MMS22L: variants seen among roughly 807,000 people sequenced by gnomAD.
The protein encoded by MMS22L is MMS22 like, DNA repair protein.
In MMS22L, 74 loss-of-function variants were observed where a neutral mutation model predicts 159.1. The observed-to-expected ratio is 0.47, with a 90% CI of 0.39 to 0.56. The LOEUF is 0.56. Ranked by LOEUF, MMS22L falls within the 20% of genes least tolerant of loss-of-function variation. MMS22L has a pLI of 0.00. For synonymous variants in MMS22L, 517 were observed against 506.9 expected (o/e 1.02, Z -0.27); for missense variants, 1,351 against 1,422.1 (o/e 0.95, Z 0.80).
intron 11 of MMS22L, among the ~76,000 whole-genome samples, chr6:97,238,307 T>C (rs187086359): frequency 7.2e-5 from 11 of 152,336 alleles, no homozygotes; most frequent in Non-Finnish European, 1.6e-4. Context: ...ATGTTACTCT[T>C]CTGATGATCA....
Position 97,194,439 on chromosome 6 carries a change from C to T in MMS22L, c.2040-7749G>A, listed in dbSNP as rs530870662. On this transcript the variant is annotated intron_variant, in intron 14 of 24. Coordinates refer to ENST00000683635, the MANE Select transcript of MMS22L (RefSeq NM_001350599.2). ...CAGTCACCTTCTTGGCTTTCCTCAT[C>T]TAAAAAAAAAGGGATAATAATAGTA... is the stretch of plus-strand genomic sequence containing the variant. Among the ~76,000 whole-genome samples, 5 of 150,854 alleles carry T rather than the reference C, an allele frequency of 3.3e-5. No homozygotes were observed. In the East Asian group the frequency reaches 9.7e-4, roughly 29 times the overall value.
chr6:97,186,379 C>A (rs989171315), intron 15 of MMS22L, 118 bp downstream of exon 15: 3 of 709,414 alleles, frequency 4.2e-6, no homozygotes, highest in Non-Finnish European at 6.4e-6. Context: ...TAATTTGTTT[C>A]ATCTTTCTGG....
chr6:97,172,975 G>T, intron 19 of MMS22L, 88 bp downstream of exon 19: 1 of 1,273,002 alleles, frequency 7.9e-7, no homozygotes, highest in Non-Finnish European at 1.1e-6. Flanking sequence ...GGAGGGTAGT[G>T]ATTTAGCCAA....
At chr6:97,156,501 G>A (rs1005932231) in intron 22 of MMS22L, among the ~76,000 whole-genome samples, 2 of 152,178 alleles carry the variant, frequency 1.3e-5, no homozygotes, top group Non-Finnish European at 2.9e-5. Flanking sequence ...TGTGTAAGGT[G>A]TAAGGAATGG....
chr6:97,231,219 A>AAGTTTT, intron 13 of MMS22L: 1 of 512,396 alleles, frequency 2.0e-6, no homozygotes, highest in East Asian at 3.2e-5. Flanking sequence ...AAGAACACAA[A>AAGTTTT]AGTTTTATAT....
chr6:97,181,811 A>C, intron 16 of MMS22L, 93 bp downstream of exon 16: 1 of 1,345,784 alleles, frequency 7.4e-7, no homozygotes, highest in Non-Finnish European at 1.0e-6. Flanking sequence ...TGTAGTAGAG[A>C]TCAGTCCTCA....
intron 7 of MMS22L, among the ~76,000 whole-genome samples, chr6:97,269,369 G>A (rs1000504172): frequency 9.2e-5 from 14 of 151,970 alleles, no homozygotes; most frequent in Middle Eastern, 3.2e-3. Flanking sequence ...TTAAAACTAC[G>A]ATGTGCCACT....
At chr6:97,209,846 T>G (rs950476295) in intron 14 of MMS22L, among the ~76,000 whole-genome samples, 2 of 152,060 alleles carry the variant, frequency 1.3e-5, no homozygotes, top group African/African-American at 4.8e-5. Flanking sequence ...ATTTTATGCA[T>G]GCTACATAAA....
At chr6:97,185,570 A>G (rs1805141780) in intron 15 of MMS22L, among the ~76,000 whole-genome samples, 1 of 152,154 alleles carries the variant, frequency 6.6e-6, no homozygotes, top group African/African-American at 2.4e-5. Context: ...TTATTTTCAT[A>G]GACATTACAG....
intron 2 of MMS22L, 151 bp from the exon 3 acceptor site, chr6:97,281,513 T>C (rs909160416): frequency 2.1e-5 from 12 of 577,460 alleles, no homozygotes; most frequent in Admixed American, 3.3e-5. Flanking sequence ...AAGATTACAA[T>C]AGCTAGACTG....
chr6:97,178,470 A>G lies in MMS22L; in HGVS notation c.2652T>C (p.Pro884=). The change falls in exon 18 of 25, where the codon CCT becomes CCC. Residue 884 remains proline, a synonymous_variant. Transcript: ENST00000683635. The part of the protein sequence containing the change: ...QVEYLSISED[P]KKALVRFFEA... ...CAAAGAATCGAACAAGTGCTTTTTTAGGGTCTTCTGAGATGGATAAATATT... is the reference window on the plus strand; with the variant it reads ...CAAAGAATCGAACAAGTGCTTTTTTGGGGTCTTCTGAGATGGATAAATATT... 1 of 1,566,380 alleles carries G rather than the reference A, an allele frequency of 6.4e-7. No homozygotes were observed. Among genetic ancestry groups the G allele is most frequent in the Non-Finnish European group, 8.6e-7 (1 of 1,156,986 alleles).
Position 97,207,353 on chromosome 6 carries a change from G to A in MMS22L, c.2040-20663C>T, listed in dbSNP as rs189518617. On this transcript the variant is annotated intron_variant, in intron 14 of 24. Coordinates refer to ENST00000683635, the MANE Select transcript of MMS22L (RefSeq NM_001350599.2). ...TTTGTATATGAAATAGGGAACAGAAGTCTCTGGCCTAATGCTGTGTGTTAT... is the reference window on the plus strand; with the variant it reads ...TTTGTATATGAAATAGGGAACAGAAATCTCTGGCCTAATGCTGTGTGTTAT... 3.9e-5 allele frequency among the ~76,000 whole-genome samples: 6 copies of A among 152,284 alleles called. No individual in the cohort carries two copies. In the East Asian group the frequency reaches 1.2e-3, roughly 29 times the overall value.
chr6:97,177,075 C>A (rs1443722939), intron 18 of MMS22L, among the ~76,000 whole-genome samples: 1 of 152,150 alleles, frequency 6.6e-6, no homozygotes, highest in East Asian at 1.9e-4. Flanking sequence ...CATATCCATT[C>A]AGAAATCCCA....
intron 4 of MMS22L, among the ~76,000 whole-genome samples, chr6:97,276,630 A>G (rs1269929325): frequency 6.6e-6 from 1 of 152,072 alleles, no homozygotes; most frequent in Non-Finnish European, 1.5e-5. Context: ...TGCTCTCTAA[A>G]CTTTTATGTT....
chr6:97,173,291 A>T, intron 18 of MMS22L, 69 bp from the exon 19 acceptor site: 1 of 1,497,376 alleles, frequency 6.7e-7, no homozygotes, highest in Admixed American at 2.0e-5. Flanking sequence ...ACATAAAGAT[A>T]ATTTTTCTCT....
intron 11 of MMS22L, among the ~76,000 whole-genome samples, chr6:97,238,050 G>A (rs182873677): frequency 2.0e-5 from 3 of 152,168 alleles, no homozygotes; most frequent in African/African-American, 7.2e-5. Context: ...ACCAAACAGT[G>A]GAGTTAAACA....
chr6:97,147,083 A>G (rs909049110), intron 24 of MMS22L, among the ~76,000 whole-genome samples, 196 bp from the exon 25 acceptor site: 1 of 152,150 alleles, frequency 6.6e-6, no homozygotes, highest in African/African-American at 2.4e-5. Flanking sequence ...AAGATGTATT[A>G]AAGTATGATT....
rs1582423496 is a variant in MMS22L at position 97,165,353 on chromosome 6, T to C, written c.3114A>G (p.Ser1038=). Residue 1038 remains serine, a synonymous_variant, in exon 21 of 25, where the codon TCA becomes TCG. Transcript: ENST00000683635. ...EQYIGRFLPA[S]PYVSDLGQHP... ...GTTGTCCAAGATCTGAAACATATGG[T>C]GAAGCTGGAAGAAATCGCCCAATAT... is the stretch of plus-strand genomic sequence containing the variant. The C allele has an allele frequency of 6.2e-7, 1 of 1,613,408 alleles. No individual in the cohort carries two copies. The highest frequency in any genetic ancestry group is 8.5e-7 in the Non-Finnish European group (1 of 1,179,636).
chr6:97,161,844 C>T (rs1802470934), intron 22 of MMS22L, among the ~76,000 whole-genome samples, 158 bp downstream of exon 22: 1 of 151,998 alleles, frequency 6.6e-6, no homozygotes, highest in African/African-American at 2.4e-5. Flanking sequence ...CATACCTAAT[C>T]TGAGCTGCTA....
Sources: allele counts gnomAD v4.1 joint callset (sites outside exome capture counted in the v4.1 genomes callset), GRCh38; gene constraint gnomAD v4.1.1; transcripts MANE v1.5; gene names NCBI Gene and HGNC (gene_info 2026-07-23, HGNC 2026-07-21).